The following TNR variants were observed in gnomAD, a reference collection of about 807,000 sequenced individuals.
The protein encoded by TNR is tenascin R.
A neutral mutation model predicts 150.4 loss-of-function variants in TNR; 45 were observed. The ratio of observed to expected loss-of-function variants is 0.30; its 90% CI spans 0.24 to 0.38. TNR has a LOEUF of 0.38. TNR is among the 10% of genes least tolerant of loss of function. The pLI is 1.00. For synonymous variants in TNR, 687 were observed against 678.4 expected, an observed-to-expected ratio of 1.01 and a Z score of -0.20; for missense variants, 1,544 against 1,759.1, an observed-to-expected ratio of 0.88 and a Z score of 2.19.
At chr1:175,657,880 T>TAC (rs1665238305) in intron 1 of TNR, among the ~76,000 whole-genome samples, 1 of 129,138 alleles carries the variant, frequency 7.7e-6, no homozygotes, top group Admixed American at 8.0e-5. Flanking sequence ...TATATATATA[T>TAC]ATATGTAACA....
intron 2 of TNR, among the ~76,000 whole-genome samples, chr1:175,485,437 G>T (rs1657969838): frequency 6.6e-6 from 1 of 152,188 alleles, no homozygotes; most frequent in African/African-American, 2.4e-5. Flanking sequence ...GGAGCACACA[G>T]GACATTGGCA....
intron 2 of TNR, among the ~76,000 whole-genome samples, chr1:175,474,974 G>A (rs940571119): frequency 6.6e-6 from 1 of 152,178 alleles, no homozygotes; most frequent in Admixed American, 6.5e-5. Flanking sequence ...TTAGAATAAT[G>A]CCAGGCATAG....
intron 2 of TNR, among the ~76,000 whole-genome samples, chr1:175,426,920 TATAAA>T (rs1655009492): frequency 4.7e-5 from 4 of 85,914 alleles, no homozygotes; most frequent in African/African-American, 1.8e-4. Context: ...ATATATAAAA[TATAAA>T]TATATATAAA....
intron 2 of TNR, among the ~76,000 whole-genome samples, chr1:175,456,045 G>A (rs860905): frequency 0.14 from 22,058 of 152,138 alleles, 4,734 homozygotes; most frequent in African/African-American, 0.47. Flanking sequence ...CAGCTCTAAG[G>A]CCTGTTGTAC....
In TNR at chr1:175,599,486, G is replaced by A. The variant is rs1663147063; in HGVS notation, c.-164-71117C>T. Among the ~76,000 whole-genome samples the A allele has an allele frequency of 6.6e-6, 1 of 152,250 alleles. No homozygotes were observed. The highest frequency in any genetic ancestry group is 2.1e-4 in the South Asian group (1 of 4,832). On this transcript the variant is annotated intron_variant, in intron 1 of 22. Transcript: ENST00000367674. The surrounding 1 kb of genome is among the most constrained non-coding windows in gnomAD (Gnocchi z 4.7). ...GAAGACTTGGGGTCTTGCGATCGCCGCCGAGTGACGGAGTAATTCGCAGAT... is the reference window on the plus strand; with the variant it reads ...GAAGACTTGGGGTCTTGCGATCGCCACCGAGTGACGGAGTAATTCGCAGAT...
At chr1:175,417,881 C>T (rs755993221) in intron 2 of TNR, among the ~76,000 whole-genome samples, 7 of 152,076 alleles carry the variant, frequency 4.6e-5, no homozygotes, top group African/African-American at 9.7e-5. Context: ...GATAGCCATT[C>T]GTTTCTTCAG....
At chr1:175,340,070 G>C (rs1014544464) in intron 18 of TNR, among the ~76,000 whole-genome samples, 7 of 152,162 alleles carry the variant, frequency 4.6e-5, no homozygotes, top group Admixed American at 4.6e-4. Context: ...ATTTTTTAAA[G>C]TTAGAAAAAT....
chr1:175,680,444 T>A (rs991165787), intron 1 of TNR, among the ~76,000 whole-genome samples: 1 of 151,714 alleles, frequency 6.6e-6, no homozygotes, highest in Non-Finnish European at 1.5e-5. Context: ...CGGGAGTGTG[T>A]TAAGATGGGA....
At chr1:175,562,174 G>A (rs1661456323) in intron 1 of TNR, among the ~76,000 whole-genome samples, 1 of 152,108 alleles carries the variant, frequency 6.6e-6, no homozygotes, top group Non-Finnish European at 1.5e-5. Context: ...TTTCCTATAA[G>A]CTATATTGTT....
chr1:175,531,574 G>A (rs1660066920), intron 1 of TNR, among the ~76,000 whole-genome samples: 1 of 152,086 alleles, frequency 6.6e-6, no homozygotes, highest in East Asian at 1.9e-4. Flanking sequence ...AGGGGAAGTG[G>A]CACCCCAAGA....
chr1:175,730,939 G>T (rs1457701912), intron 1 of TNR, among the ~76,000 whole-genome samples: 1 of 152,160 alleles, frequency 6.6e-6, no homozygotes, highest in Non-Finnish European at 1.5e-5. Flanking sequence ...GGTGACTCAG[G>T]TTCCCAAGAT....
At chr1:175,712,991 G>T (rs888017658) in intron 1 of TNR, among the ~76,000 whole-genome samples, 1 of 152,190 alleles carries the variant, frequency 6.6e-6, no homozygotes, top group African/African-American at 2.4e-5. Flanking sequence ...TGATTGAAGG[G>T]TGGTACCCTT....
intron 2 of TNR, among the ~76,000 whole-genome samples, chr1:175,507,757 T>C (rs1659019165): frequency 6.6e-6 from 1 of 152,194 alleles, no homozygotes; most frequent in African/African-American, 2.4e-5. Flanking sequence ...AAAATACTTG[T>C]CACAATCTAT....
chr1:175,359,491 G>A, intron 15 of TNR, 121 bp downstream of exon 15: 1 of 1,510,990 alleles, frequency 6.6e-7, no homozygotes. Context: ...ACCTGAAGTA[G>A]GAACTTTTCT....
intron 1 of TNR, among the ~76,000 whole-genome samples, chr1:175,691,867 A>G (rs1666378183): frequency 6.6e-6 from 1 of 152,148 alleles, no homozygotes; most frequent in Non-Finnish European, 1.5e-5. Flanking sequence ...GGGCTATCCC[A>G]TGCCATCCTG....
At chr1:175,683,573 T>C (rs1237229226) in intron 1 of TNR, among the ~76,000 whole-genome samples, 3 of 152,194 alleles carry the variant, frequency 2.0e-5, no homozygotes, top group Non-Finnish European at 2.9e-5. Context: ...CAGGCAGATG[T>C]GCCCTATCTT....
chr1:175,655,967 A>G (rs563197997), intron 1 of TNR, among the ~76,000 whole-genome samples: 8 of 152,250 alleles, frequency 5.3e-5, no homozygotes, highest in Non-Finnish European at 8.8e-5. Context: ...CACAGGCTCA[A>G]GTGTAGGGAT....
intron 1 of TNR, among the ~76,000 whole-genome samples, chr1:175,551,370 G>A (rs1660929192): frequency 6.6e-6 from 1 of 152,178 alleles, no homozygotes; most frequent in South Asian, 2.1e-4. Flanking sequence ...TACCTCTGAT[G>A]CACCATTTCT....
intron 1 of TNR, among the ~76,000 whole-genome samples, chr1:175,643,226 C>T (rs1266971253): frequency 6.6e-6 from 1 of 152,200 alleles, no homozygotes; most frequent in Admixed American, 6.5e-5. Context: ...ATAATCACTC[C>T]TGATATCCTG....
Sources: gnomAD v4.1 joint callset for allele counts (sites outside exome capture counted in the v4.1 genomes callset) on GRCh38, gnomAD v4.1.1 for gene constraint, Gnocchi (gnomAD v3.1) non-coding constraint, MANE v1.5 for transcripts, NCBI Gene and HGNC (gene_info 2026-07-23, HGNC 2026-07-21) for gene names.